ASB3: variants seen among roughly 807,000 people sequenced by gnomAD.
The protein encoded by ASB3 is ankyrin repeat and SOCS box containing 3, also known as ankyrin repeat and SOCS box protein 3.
A neutral mutation model predicts 54.5 loss-of-function variants in ASB3; 41 were observed. The ratio of observed to expected loss-of-function variants is 0.75; its 90% CI spans 0.59 to 0.98. ASB3 has a LOEUF of 0.98. ASB3 is among the 50% of genes least tolerant of loss of function. The probability of loss-of-function intolerance (pLI) is 0.00; values close to 1 mark genes in which losing one functional copy is unlikely to be tolerated. For synonymous variants in ASB3, 266 were observed against 221.2 expected, an observed-to-expected ratio of 1.20 and a Z score of -1.80; for missense variants, 733 against 620.0, an observed-to-expected ratio of 1.18 and a Z score of -1.94.
intron 9 of ASB3, among the ~76,000 whole-genome samples, chr2:53,672,991 C>T (rs553916525): frequency 9.5e-4 from 144 of 152,232 alleles, no homozygotes; most frequent in East Asian, 3.3e-3. Context: ...ATATGCACAA[C>T]GTAATAAAAA....
chr2:53,692,675 A>G (rs965968368), intron 9 of ASB3, among the ~76,000 whole-genome samples: 1 of 152,162 alleles, frequency 6.6e-6, no homozygotes, highest in African/African-American at 2.4e-5. Context: ...ATATATCCTT[A>G]CTAATCGATA....
rs1238201420 is a variant in ASB3 at position 53,670,067 on chromosome 2, T to C, written c.*436A>G. The C allele has an allele frequency of 1.9e-5, 3 of 155,100 alleles. No homozygotes were observed. Among genetic ancestry groups the C allele is most frequent in the Non-Finnish European group, 2.8e-5 (2 of 70,416 alleles). The allele number at this position is 155,100 out of a possible 1,614,324, so 9.6% of individuals were successfully genotyped here. A position where few individuals can be genotyped will look rare whatever the true frequency, so the allele number is the denominator to read the frequency against. On this transcript the variant is annotated 3_prime_UTR_variant, in exon 10 of 10. Transcript: ENST00000263634. ...AATAATAACAGATTCTACACCACAG[T>C]TGTATACACTTCCAGTGAAGCTTTA...
intron 2 of ASB3, among the ~76,000 whole-genome samples, chr2:53,761,784 ACT>A (rs1049913083): frequency 7.9e-5 from 12 of 152,144 alleles, no homozygotes; most frequent in African/African-American, 2.4e-4. Flanking sequence ...TCTCCAGGAA[ACT>A]CTAACTTATC....
intron 5 of ASB3, among the ~76,000 whole-genome samples, chr2:53,723,511 T>C (rs1670825968): frequency 1.3e-5 from 2 of 152,082 alleles, no homozygotes; most frequent in Admixed American, 6.6e-5. Context: ...GTCCCTGAAG[T>C]GTCATTTTTA....
At chr2:53,703,814 G>A (rs760748267) in intron 7 of ASB3, among the ~76,000 whole-genome samples, 9 of 152,158 alleles carry the variant, frequency 5.9e-5, no homozygotes, top group Non-Finnish European at 1.0e-4. Context: ...ATTAACACCT[G>A]AAGTCGGATA....
chr2:53,786,948 G>T lies in ASB3; in HGVS notation c.-141C>A, dbSNP rs1179872377. Reference sequence around the variant, plus strand: ...GCCGTCCGAAAACGAGAGACGCGCAGGCGACGTCCCGGCCCCCGTAGGCGG... The same window carrying T: ...GCCGTCCGAAAACGAGAGACGCGCATGCGACGTCCCGGCCCCCGTAGGCGG... On this transcript the variant is annotated 5_prime_UTR_variant, in exon 1 of 10. In the 5' UTR this introduces an upstream ATG that the reference lacks. Transcript: ENST00000263634. 4 of 441,492 alleles carry T rather than the reference G, an allele frequency of 9.1e-6. No individual in the cohort carries two copies. In the Admixed American group the frequency reaches 1.2e-4, roughly 13 times the overall value. The allele number at this position is 441,492 out of a possible 1,614,324, so 27.3% of individuals were successfully genotyped here. A position where few individuals can be genotyped will look rare whatever the true frequency, so the allele number is the denominator to read the frequency against.
At chr2:53,731,774 T>C (rs1671330759) in intron 3 of ASB3, among the ~76,000 whole-genome samples, 1 of 152,068 alleles carries the variant, frequency 6.6e-6, no homozygotes, top group Non-Finnish European at 1.5e-5. Context: ...TGCCTCAGCC[T>C]CCCAAGTCGC....
chr2:53,706,889 C>T (rs1426635985), intron 7 of ASB3, among the ~76,000 whole-genome samples: 1 of 152,206 alleles, frequency 6.6e-6, no homozygotes, highest in African/African-American at 2.4e-5. Context: ...CATATCCAAC[C>T]TCTTTTGCTC....
At chr2:53,703,509 G>A (rs1669604149) in intron 7 of ASB3, among the ~76,000 whole-genome samples, 2 of 152,196 alleles carry the variant, frequency 1.3e-5, no homozygotes, top group African/African-American at 4.8e-5. Context: ...CAAGGCAGGA[G>A]GATCACTTGA....
At chr2:53,710,710 C>T (rs1157027873) in intron 7 of ASB3, among the ~76,000 whole-genome samples, 4 of 152,190 alleles carry the variant, frequency 2.6e-5, no homozygotes, top group Non-Finnish European at 5.9e-5. Context: ...TTACCTTATA[C>T]AGTGGTTCCA....
intron 2 of ASB3, among the ~76,000 whole-genome samples, chr2:53,759,054 A>T (rs554806500): frequency 5.9e-5 from 9 of 152,238 alleles, no homozygotes; most frequent in Non-Finnish European, 1.3e-4. Context: ...GACGCTAACC[A>T]CAAAAGAGAG....
chr2:53,740,547 T>C (rs2103962141), intron 3 of ASB3, among the ~76,000 whole-genome samples: 1 of 152,350 alleles, frequency 6.6e-6, no homozygotes, highest in South Asian at 2.1e-4. Flanking sequence ...TTTATTGATA[T>C]ACAGAATTTT....
At chr2:53,705,842 A>G (rs1669738551) in intron 7 of ASB3, among the ~76,000 whole-genome samples, 1 of 152,092 alleles carries the variant, frequency 6.6e-6, no homozygotes, top group Admixed American at 6.5e-5. Context: ...ACATTTGTAA[A>G]TATTTGTAAA....
chr2:53,752,674 G>A (rs1672584893), intron 2 of ASB3, among the ~76,000 whole-genome samples: 1 of 152,240 alleles, frequency 6.6e-6, no homozygotes, highest in African/African-American at 2.4e-5. Context: ...TATCAGTAGG[G>A]CAGGTAAGAG....
At chr2:53,727,478 G>GT (rs1228499010) in intron 5 of ASB3, among the ~76,000 whole-genome samples, 3 of 151,892 alleles carry the variant, frequency 2.0e-5, no homozygotes. Flanking sequence ...AAAAAAAAAG[G>GT]TTTTTTAATT....
In ASB3 at chr2:53,750,889, C is replaced by G; in HGVS notation, c.249G>C (p.Leu83Phe). ...KMKTFEGFCA[L>F]HLAASQGHWK... ...AATGTCCTTGACTTGCAGCGAGATG[C>G]AAAGCACAGAAACCTTCAAAGGTCT... Residue 83 changes from leucine to phenylalanine, a missense_variant, in exon 3 of 10, where the codon TTG (leucine) becomes TTC (phenylalanine). Leu to Phe is a conservative substitution (Grantham distance 22, BLOSUM62 0). Transcript: ENST00000263634. 6.2e-7 allele frequency: 1 copy of G among 1,601,320 alleles called. No homozygotes were observed. Among genetic ancestry groups the G allele is most frequent in the Non-Finnish European group, 8.5e-7 (1 of 1,173,712 alleles).
At chr2:53,783,047 A>G (rs1674740967) in intron 1 of ASB3, among the ~76,000 whole-genome samples, 1 of 152,064 alleles carries the variant, frequency 6.6e-6, no homozygotes, top group Non-Finnish European at 1.5e-5. Flanking sequence ...TGCTGGAATT[A>G]CCGGTGTGAG....
intron 7 of ASB3, among the ~76,000 whole-genome samples, chr2:53,704,672 A>G (rs891937858): frequency 2.6e-5 from 4 of 152,214 alleles, no homozygotes; most frequent in Admixed American, 6.5e-5. Context: ...CTCAAAATGA[A>G]TAAGTCTCAT....
In ASB3 at chr2:53,700,545, A is replaced by T; in HGVS notation, c.981-17T>A. ...AACTCACAGCTCCACCATAAAAAAT[A>T]AAAACAAAAAAAGAAGAAGTTAGAC... On this transcript the variant is annotated splice_polypyrimidine_tract_variant and intron_variant, in intron 7 of 9. Coordinates refer to ENST00000263634, the MANE Select transcript of ASB3 (RefSeq NM_016115.5). The T allele has an allele frequency of 1.3e-6, 2 of 1,577,044 alleles. No individual in the cohort carries two copies. The highest frequency in any genetic ancestry group is 1.7e-6 in the Non-Finnish European group (2 of 1,168,434).
Sources: gnomAD v4.1 joint callset for allele counts (sites outside exome capture counted in the v4.1 genomes callset) on GRCh38, gnomAD v4.1.1 for gene constraint, MANE v1.5 for transcripts, NCBI Gene and HGNC (gene_info 2026-07-23, HGNC 2026-07-21) for gene names.